Variants in PRKCQ observed in about 807,000 individuals in gnomAD.
The protein encoded by PRKCQ is protein kinase C theta, also known as protein kinase C theta type.
Under a neutral mutation model 91.2 loss-of-function variants are expected in PRKCQ, and 41 were observed. The observed-to-expected ratio is 0.45, with a 90% CI of 0.35 to 0.58. The LOEUF (loss-of-function observed/expected upper bound fraction) is 0.58, where lower values mean the gene tolerates loss of function less well. Ranked by LOEUF, PRKCQ falls within the 20% of genes least tolerant of loss-of-function variation. The pLI, the probability that PRKCQ is intolerant of heterozygous loss-of-function variation, is 0.00. For synonymous variants in PRKCQ, 307 were observed against 316.9 expected (o/e 0.97, Z 0.33); for missense variants, 673 against 896.5 (o/e 0.75, Z 3.18).
At chr10:6,485,942 C>G in intron 9 of PRKCQ, 93 bp downstream of exon 9, 1 of 1,132,022 alleles carries the variant, frequency 8.8e-7, no homozygotes, top group Non-Finnish European at 1.3e-6. Flanking sequence ...CCCGGCATTT[C>G]CCATAGGGCT....
Position 6,530,793 on chromosome 10 carries a change from A to G in PRKCQ, c.-9-15649T>C, listed in dbSNP as rs371396730. On this transcript the variant is annotated intron_variant, in intron 1 of 17. Coordinates refer to ENST00000263125, the MANE Select transcript of PRKCQ (RefSeq NM_006257.5). ...GAAACTCTAAAATTAGGTAATACTTAGGTTCCTAGGCCAGCCCCTTCACTG... is the reference window on the plus strand; with the variant it reads ...GAAACTCTAAAATTAGGTAATACTTGGGTTCCTAGGCCAGCCCCTTCACTG... Among the ~76,000 whole-genome samples the G allele has an allele frequency of 5.9e-5, 9 of 152,354 alleles. No homozygotes were observed. The East Asian group carries it at 1.7e-3, about 29-fold the overall frequency.
Position 6,507,493 on chromosome 10 carries a change from C to A in PRKCQ, c.322G>T (p.Glu108Ter). The change falls in exon 4 of 18, where the codon GAG becomes TAG. Residue 108 changes from glutamate (E) to a stop codon, truncating the protein, a stop_gained. Coordinates refer to ENST00000263125, the MANE Select transcript of PRKCQ (RefSeq NM_006257.5). LOFTEE classifies it high-confidence loss of function. ...KNNGKTEIWLELKPQGRMLMN... is the reference protein window; with the variant it reads ...KNNGKTEIWL ...AGCATTCGGCCTTGAGGTTTCAGCT[C>A]TAACTGGTTGGGAGAAGGAGAGAAA... The A allele has an allele frequency of 1.2e-6, 2 of 1,613,496 alleles. No individual in the cohort carries two copies. Among genetic ancestry groups the A allele is most frequent in the Non-Finnish European group, 1.7e-6 (2 of 1,179,520 alleles).
chr10:6,402,397 G>C, the PRKCQ span, among the ~76,000 whole-genome samples: 3 of 122,812 alleles, frequency 2.4e-5, no homozygotes, highest in African/African-American at 9.4e-5. Flanking sequence ...AAAAAAAGCT[G>C]AGCTTCATCT....
chr10:6,486,902 G>A (rs112384559), intron 8 of PRKCQ, among the ~76,000 whole-genome samples: 82 of 152,346 alleles, frequency 5.4e-4, no homozygotes, highest in African/African-American at 1.9e-3. Context: ...TGTGGGAAGG[G>A]ATGGAGTAGG....
intron 1 of PRKCQ, among the ~76,000 whole-genome samples, chr10:6,522,211 G>C (rs552011925): frequency 2.0e-5 from 3 of 152,138 alleles, no homozygotes; most frequent in African/African-American, 4.8e-5. Flanking sequence ...CAAAGTGCCG[G>C]GATTACAAGA....
chr10:6,510,846 C>T, intron 3 of PRKCQ, 149 bp downstream of exon 3: 4 of 770,798 alleles, frequency 5.2e-6, no homozygotes, highest in Non-Finnish European at 8.6e-6. Context: ...TAACCATCGC[C>T]ATTATCAAAT....
At chr10:6,493,858 T>C (rs1837451812) in intron 7 of PRKCQ, among the ~76,000 whole-genome samples, 1 of 152,202 alleles carries the variant, frequency 6.6e-6, no homozygotes, top group Non-Finnish European at 1.5e-5. Flanking sequence ...GTTTATCTCC[T>C]TCTGCTTCTA....
chr10:6,551,202 A>T (rs4750596), intron 1 of PRKCQ, among the ~76,000 whole-genome samples: 139,347 of 151,996 alleles, frequency 0.92, 64,368 homozygotes, highest in East Asian at 1. Context: ...CCCCTCTTTG[A>T]GTCCATGTGT....
intron 15 of PRKCQ, among the ~76,000 whole-genome samples, chr10:6,445,121 CAAAAAAAA>C (rs61291267): frequency 1.6e-4 from 17 of 105,402 alleles, no homozygotes; most frequent in South Asian, 6.5e-4. Context: ...AAGACTCTGT[CAAAAAAAA>C]AAAAAAAAAA....
intron 1 of PRKCQ, among the ~76,000 whole-genome samples, chr10:6,556,894 A>C (rs1481667549): frequency 6.6e-6 from 1 of 152,144 alleles, no homozygotes; most frequent in Non-Finnish European, 1.5e-5. Context: ...AAAAACTGGA[A>C]GCCGCAAGAC....
intron 14 of PRKCQ, among the ~76,000 whole-genome samples, chr10:6,460,432 C>CTG (rs1475292101): frequency 6.6e-6 from 1 of 151,900 alleles, no homozygotes; most frequent in Non-Finnish European, 1.5e-5. Flanking sequence ...TCTAAGATCT[C>CTG]TGTCTCTCTC....
Position 6,546,315 on chromosome 10 carries a change from G to A in PRKCQ, c.-9-31171C>T, listed in dbSNP as rs111450117. Among the ~76,000 whole-genome samples, 695 of 152,300 alleles carry A rather than the reference G, an allele frequency of 4.6e-3. 11 individuals carry two copies. Among genetic ancestry groups the A allele is most frequent in the Non-Finnish European group, 4.0e-3 (269 of 68,014 alleles). On this transcript the variant is annotated intron_variant, in intron 1 of 17. Coordinates refer to ENST00000263125, the MANE Select transcript of PRKCQ (RefSeq NM_006257.5). ...GGATTAGGGTAGGGGAGTCAGGACT[G>A]CCTCACTCCACACACCATCCAGGTT...
rs192927623 is a variant in PRKCQ, at chr10:6,501,739, G to A, written c.380-3181C>T. 1.6e-3 allele frequency among the ~76,000 whole-genome samples: 243 copies of A among 152,112 alleles called. 5 individuals are homozygous for A. Among genetic ancestry groups the A allele is most frequent in the Admixed American group, 0.015 (236 of 15,288 alleles). On this transcript the variant is annotated intron_variant, in intron 4 of 17. Coordinates refer to ENST00000263125, the MANE Select transcript of PRKCQ (RefSeq NM_006257.5). The stretch of plus-strand genomic sequence containing the variant: ...CTCAGGAGGCTGAGGCAGGAGAATC[G>A]CTTGAACTCGGGAGGCGGAGGTTGC...
chr10:6,433,503 TC>T (rs1833521057), intron 16 of PRKCQ, among the ~76,000 whole-genome samples: 1 of 152,118 alleles, frequency 6.6e-6, no homozygotes, highest in African/African-American at 2.4e-5. Flanking sequence ...TATCTGCAGA[TC>T]ACGCATCTTC....
rs1835045974 is a variant in PRKCQ at position 6,457,029 on chromosome 10, G to C, written c.1509-217C>G. On this transcript the variant is annotated intron_variant, in intron 14 of 17. Transcript: ENST00000263125. ...ATGGATTCTTTCTCTGATTTACCAA[G>C]GGGTGCAGCTCAGTATAAGGAGGAC... 2.0e-5 allele frequency among the ~76,000 whole-genome samples: 3 copies of C among 152,258 alleles called. No homozygotes were observed. The South Asian group carries it at 6.2e-4, about 32-fold the overall frequency.
At chr10:6,491,922 T>C in intron 7 of PRKCQ, 110 bp from the exon 8 acceptor site, 4 of 1,443,480 alleles carry the variant, frequency 2.8e-6, no homozygotes, top group Non-Finnish European at 3.8e-6. Context: ...AACACTGGCA[T>C]TGTGTGCATT....
At chr10:6,573,812 C>T (rs1841128305) in intron 1 of PRKCQ, among the ~76,000 whole-genome samples, 1 of 152,202 alleles carries the variant, frequency 6.6e-6, no homozygotes, top group Non-Finnish European at 1.5e-5. Context: ...AGCTAACACT[C>T]CAGTTAAAGG....
intron 3 of PRKCQ, among the ~76,000 whole-genome samples, chr10:6,507,792 G>T (rs939035472): frequency 2.6e-5 from 4 of 152,176 alleles, no homozygotes; most frequent in Admixed American, 1.3e-4. Flanking sequence ...GTAATGCTGC[G>T]TATCTGAAGG....
chr10:6,560,093 T>A (rs1381176882), intron 1 of PRKCQ, among the ~76,000 whole-genome samples: 2 of 152,238 alleles, frequency 1.3e-5, no homozygotes, highest in Non-Finnish European at 2.9e-5. Context: ...GTTAGGTGTT[T>A]GATCAGTCAA....
Sources: gnomAD v4.1 joint callset for allele counts (sites outside exome capture counted in the v4.1 genomes callset) on GRCh38, gnomAD v4.1.1 for gene constraint, MANE v1.5 for transcripts, NCBI Gene and HGNC (gene_info 2026-07-23, HGNC 2026-07-21) for gene names.